Variants in RBFOX2 observed in about 807,000 individuals in gnomAD.
RBFOX2 encodes RNA binding fox-1 homolog 2.
In RBFOX2, 10 loss-of-function variants were observed where a neutral mutation model predicts 49.1. That is an observed-to-expected ratio of 0.20 (90% CI 0.13 to 0.35). The LOEUF (loss-of-function observed/expected upper bound fraction) is 0.35, where lower values mean the gene tolerates loss of function less well. Among genes scored for constraint, RBFOX2 ranks in the 10% least tolerant of loss-of-function variants. The pLI is 1.00. For missense variants in RBFOX2, 323 were observed against 486.9 expected (o/e 0.66, Z 3.17); for synonymous variants, 183 against 187.4 (o/e 0.98, Z 0.19).
At chr22:35,775,857 A>AAAAAAAAAAG (rs1555896208) in intron 4 of RBFOX2, among the ~76,000 whole-genome samples, 1 of 150,464 alleles carries the variant, frequency 6.6e-6, no homozygotes, top group African/African-American at 2.5e-5. Flanking sequence ...AAAAAAAAAA[A>AAAAAAAAAAG]AAAAGAAAAG....
intron 1 of RBFOX2, among the ~76,000 whole-genome samples, chr22:36,026,472 G>A (rs1880148993): frequency 6.6e-6 from 1 of 151,774 alleles, no homozygotes; most frequent in Non-Finnish European, 1.5e-5. Flanking sequence ...TAGGCCCCAG[G>A]AGTAAATGAG....
intron 1 of RBFOX2, among the ~76,000 whole-genome samples, chr22:35,858,847 GAATT>G (rs1286317730): frequency 7.5e-6 from 1 of 133,820 alleles, no homozygotes; most frequent in Non-Finnish European, 1.6e-5. Flanking sequence ...AAAAAAAAAA[GAATT>G]AAGCTAAAAC....
intron 3 of RBFOX2, among the ~76,000 whole-genome samples, chr22:35,780,912 G>A (rs1421011348): frequency 4.6e-5 from 7 of 152,170 alleles, no homozygotes; most frequent in Non-Finnish European, 8.8e-5. Context: ...AAGCTAAGTA[G>A]AGAGTGGCAA....
chr22:35,898,788 T>C (rs1180364650), intron 1 of RBFOX2, among the ~76,000 whole-genome samples: 3 of 152,156 alleles, frequency 2.0e-5, no homozygotes, highest in Admixed American at 6.5e-5. Context: ...TGGATCTTCA[T>C]ACTGTAATTT....
chr22:35,823,111 G>T (rs1439048128), intron 1 of RBFOX2, among the ~76,000 whole-genome samples: 2 of 152,164 alleles, frequency 1.3e-5, no homozygotes, highest in Non-Finnish European at 2.9e-5. Flanking sequence ...ATGAGCCACC[G>T]CATCCGGCCT....
intron 4 of RBFOX2, among the ~76,000 whole-genome samples, chr22:35,775,468 A>G (rs1408800823): frequency 6.6e-6 from 1 of 152,248 alleles, no homozygotes; most frequent in East Asian, 1.9e-4. Flanking sequence ...CTATGCTTTT[A>G]GATTTCTCAA....
intron 1 of RBFOX2, among the ~76,000 whole-genome samples, chr22:35,865,461 C>T (rs960680187): frequency 3.3e-5 from 5 of 152,156 alleles, no homozygotes; most frequent in Admixed American, 1.3e-4. Flanking sequence ...GACTGCCCTA[C>T]CTACACAGGT....
At chr22:35,912,736 G>A (rs2149522614) in intron 1 of RBFOX2, among the ~76,000 whole-genome samples, 1 of 152,184 alleles carries the variant, frequency 6.6e-6, no homozygotes, top group Non-Finnish European at 1.5e-5. Flanking sequence ...GTTTTCCGGG[G>A]TGATCTGAGC....
upstream of RBFOX2, among the ~76,000 whole-genome samples, chr22:35,964,132 A>T (rs1439357684): frequency 1.3e-5 from 2 of 151,898 alleles, no homozygotes; most frequent in African/African-American, 4.8e-5. Context: ...TCATTATTTC[A>T]TTTTTTTTAA....
chr22:35,866,022 A>T (rs2043641597), intron 1 of RBFOX2, among the ~76,000 whole-genome samples: 1 of 152,234 alleles, frequency 6.6e-6, no homozygotes, highest in African/African-American at 2.4e-5. Flanking sequence ...GAAGACACAG[A>T]GATCCAGCTG....
chr22:35,962,027 C>A (rs1052704893), upstream of RBFOX2, among the ~76,000 whole-genome samples: 2 of 152,154 alleles, frequency 1.3e-5, no homozygotes, highest in Non-Finnish European at 2.9e-5. Context: ...CACCTCCTCC[C>A]AACAGGAGAA....
At chr22:35,783,236 C>T (rs1216747131) in intron 2 of RBFOX2, among the ~76,000 whole-genome samples, 1 of 152,132 alleles carries the variant, frequency 6.6e-6, no homozygotes, top group Non-Finnish European at 1.5e-5. Flanking sequence ...GGAGACAGAA[C>T]AGGGAGCTCT....
At chr22:36,023,625 C>T (rs1339677219) in intron 1 of RBFOX2, among the ~76,000 whole-genome samples, 1 of 152,134 alleles carries the variant, frequency 6.6e-6, no homozygotes, top group African/African-American at 2.4e-5. Flanking sequence ...CCTCTAATAG[C>T]CCTATATTTA....
intron 1 of RBFOX2, among the ~76,000 whole-genome samples, chr22:35,867,261 G>C (rs2043800882): frequency 6.6e-6 from 1 of 152,112 alleles, no homozygotes; most frequent in African/African-American, 2.4e-5. Context: ...TACCACACTT[G>C]AAACATTTGC....
At chr22:35,893,920 C>T (rs1166780880) in intron 1 of RBFOX2, among the ~76,000 whole-genome samples, 21 of 151,920 alleles carry the variant, frequency 1.4e-4, no homozygotes, top group Admixed American at 1.4e-3. Flanking sequence ...CTAGTAGGCT[C>T]CCTTAGCAAC....
intron 1 of RBFOX2, among the ~76,000 whole-genome samples, chr22:35,953,490 GC>G (rs2055193947): frequency 6.6e-6 from 1 of 152,144 alleles, no homozygotes. Flanking sequence ...ATTGGTGGTT[GC>G]CAGCAGGGAA....
chr22:35,887,922 A>G (rs551822820), intron 1 of RBFOX2, among the ~76,000 whole-genome samples: 65 of 152,258 alleles, frequency 4.3e-4, no homozygotes, highest in Non-Finnish European at 7.2e-4. Context: ...CCCTGTGGCA[A>G]TTCTCCAGCC....
chr22:35,962,342 C>T (rs1856309892), upstream of RBFOX2, among the ~76,000 whole-genome samples: 1 of 152,186 alleles, frequency 6.6e-6, no homozygotes. Context: ...AAGGGACTGA[C>T]CCACTATGTA....
At chr22:35,820,994 G>A (rs1415210344) in intron 1 of RBFOX2, among the ~76,000 whole-genome samples, 1 of 152,158 alleles carries the variant, frequency 6.6e-6, no homozygotes, top group Non-Finnish European at 1.5e-5. Context: ...CGGGTATGAA[G>A]GAGAAGAAGA....
Sources: gnomAD v4.1 joint callset for allele counts (sites outside exome capture counted in the v4.1 genomes callset) on GRCh38, gnomAD v4.1.1 for gene constraint, MANE v1.5 for transcripts, NCBI Gene and HGNC (gene_info 2026-07-23, HGNC 2026-07-21) for gene names.